RLIG1: variants seen among roughly 807,000 people sequenced by gnomAD.
RLIG1 encodes the protein RNA ligase 1.
chr12:88,040,855 T>C, the RLIG1 span, among the ~76,000 whole-genome samples: 1 of 152,130 alleles, frequency 6.6e-6, no homozygotes, highest in East Asian at 1.9e-4. Context: ...CAGAAAAAAA[T>C]AGCATCTGGA....
chr12:88,038,260 T>G, the RLIG1 span, among the ~76,000 whole-genome samples: 1 of 152,292 alleles, frequency 6.6e-6, no homozygotes, highest in South Asian at 2.1e-4. Flanking sequence ...ATATGAGGTC[T>G]CGTCTAAGAG....
the RLIG1 span, chr12:88,049,250 G>A: frequency 6.2e-7 from 1 of 1,609,384 alleles, no homozygotes; most frequent in African/African-American, 1.3e-5. Context: ...CAGCAACAGG[G>A]CTAGTTAATT....
At chr12:88,044,146 C>A in the RLIG1 span, 1 of 178,490 alleles carries the variant, frequency 5.6e-6, no homozygotes. Context: ...TGGCATTGTG[C>A]GCCTGTAGTC....
At chr12:88,035,636 T>G in the RLIG1 span, 1 of 1,597,006 alleles carries the variant, frequency 6.3e-7, no homozygotes, top group Middle Eastern at 1.7e-4. Flanking sequence ...TCGCACTGCT[T>G]GTTGGGCTCA....
At chr12:88,040,332 T>C in the RLIG1 span, 1 of 921,082 alleles carries the variant, frequency 1.1e-6, no homozygotes, top group South Asian at 1.8e-5. Context: ...ACAGTCTATC[T>C]GAAATGAGGC....
chr12:88,037,876 T>C, the RLIG1 span, among the ~76,000 whole-genome samples: 1 of 152,162 alleles, frequency 6.6e-6, no homozygotes, highest in African/African-American at 2.4e-5. Flanking sequence ...AAATTATAGA[T>C]AAAAAGTTAG....
the RLIG1 span, chr12:88,048,867 T>G: frequency 1.5e-4 from 30 of 201,744 alleles, no homozygotes; most frequent in Non-Finnish European, 9.8e-6. Flanking sequence ...TAAATAAGTA[T>G]ATATAAACTC....
At chr12:88,041,877 A>G in the RLIG1 span, 82 of 152,182 alleles carry the variant, frequency 5.4e-4, no homozygotes, top group African/African-American at 2.0e-3. Flanking sequence ...AAGAAACTAT[A>G]GTGTGTATCA....
At chr12:88,048,450 T>C in the RLIG1 span, 1 of 1,128,350 alleles carries the variant, frequency 8.9e-7, no homozygotes, top group Non-Finnish European at 1.2e-6. Context: ...TTTATCATTA[T>C]ATTCTAATCT....
the RLIG1 span, chr12:88,048,861 T>A: frequency 5.1e-6 from 1 of 196,086 alleles, no homozygotes; most frequent in Non-Finnish European, 1.0e-5. Context: ...CATGTATAAA[T>A]AAGTATATAT....
chr12:88,040,129 C>T, the RLIG1 span: 11 of 1,424,152 alleles, frequency 7.7e-6, no homozygotes, highest in East Asian at 9.2e-5. Context: ...AACCGGTTTT[C>T]TCTCTCTCTT....
chr12:88,043,775 C>A, the RLIG1 span: 2 of 1,161,856 alleles, frequency 1.7e-6, no homozygotes, highest in Admixed American at 2.2e-5. Context: ...TCAAAATATC[C>A]ATTCAATCAG....
chr12:88,040,179 G>A, the RLIG1 span: 1 of 1,610,334 alleles, frequency 6.2e-7, no homozygotes, highest in Non-Finnish European at 8.5e-7. Flanking sequence ...GAAACTGTAA[G>A]TCACAAGGCA....
At chr12:88,035,616 C>A in the RLIG1 span, 1 of 1,573,236 alleles carries the variant, frequency 6.4e-7, no homozygotes, top group Non-Finnish European at 8.6e-7. Context: ...CTCGAAAGCA[C>A]GCCCTCCATT....
At chr12:88,035,573 T>A in the RLIG1 span, 1 of 1,465,832 alleles carries the variant, frequency 6.8e-7, no homozygotes, top group Non-Finnish European at 9.4e-7. Flanking sequence ...GGGTGACTGC[T>A]TCAGGGCTTC....
chr12:88,039,495 G>A, the RLIG1 span, among the ~76,000 whole-genome samples: 1 of 152,134 alleles, frequency 6.6e-6, no homozygotes, highest in South Asian at 2.1e-4. Flanking sequence ...TTTACTTCAC[G>A]CAGATCCAGA....
At chr12:88,049,182 C>A in the RLIG1 span, 1 of 1,559,932 alleles carries the variant, frequency 6.4e-7, no homozygotes, top group Non-Finnish European at 8.7e-7. Context: ...TATAGGTGAC[C>A]TTTAGTAAAT....
At chr12:88,037,830 A>G in the RLIG1 span, among the ~76,000 whole-genome samples, 1 of 152,238 alleles carries the variant, frequency 6.6e-6, no homozygotes, top group Non-Finnish European at 1.5e-5. Context: ...GATACAGACT[A>G]TAGAAGTGGC....
the RLIG1 span, among the ~76,000 whole-genome samples, chr12:88,037,043 T>C: frequency 6.6e-6 from 1 of 152,244 alleles, no homozygotes; most frequent in African/African-American, 2.4e-5. Flanking sequence ...AGCATCCACA[T>C]TCTTAATTAT....
Sources: gnomAD v4.1 joint callset for allele counts (sites outside exome capture counted in the v4.1 genomes callset) on GRCh38, gnomAD v4.1.1 for gene constraint, MANE v1.5 for transcripts, NCBI Gene and HGNC (gene_info 2026-07-23, HGNC 2026-07-21) for gene names.